Variants in TRMT44 observed in about 807,000 individuals in gnomAD.
TRMT44 encodes the protein probable tRNA (uracil-O(2)-)-methyltransferase.
A neutral mutation model predicts 77.3 loss-of-function variants in TRMT44; 78 were observed. That is an observed-to-expected ratio of 1.01 (90% CI 0.84 to 1.22). TRMT44 has a LOEUF of 1.22. Ranked by LOEUF, TRMT44 falls within the 50% of genes most tolerant of loss-of-function variation. The probability of loss-of-function intolerance (pLI) is 0.00; values close to 1 mark genes in which losing one functional copy is unlikely to be tolerated. For synonymous variants in TRMT44, 391 were observed against 383.3 expected (o/e 1.02, Z -0.23); for missense variants, 1,090 against 964.4 (o/e 1.13, Z -1.73).
At position 8,468,421 on chromosome 4, in the gene TRMT44, C is replaced by T. The variant is rs188616875; in HGVS notation, c.1927+75C>T. On this transcript the variant is annotated intron_variant, in intron 9 of 10. Coordinates refer to ENST00000389737, the MANE Select transcript of TRMT44 (RefSeq NM_152544.3). Reference sequence around the variant, plus strand: ...GGGCAGGAATTCACGTCTTCAGAACCGACATGAAATGGTGTGGCCCTGTGA... The same window carrying T: ...GGGCAGGAATTCACGTCTTCAGAACTGACATGAAATGGTGTGGCCCTGTGA... The T allele has an allele frequency of 1.8e-4, 264 of 1,448,340 alleles. No individual in the cohort carries two copies. The East Asian group carries it at 5.1e-3, about 28-fold the overall frequency. The allele number at this position is 1,448,340 out of a possible 1,614,324, so 89.7% of individuals were successfully genotyped here.
the TRMT44 span, among the ~76,000 whole-genome samples, chr4:8,507,968 G>A: frequency 2.0e-5 from 3 of 152,184 alleles, no homozygotes; most frequent in Admixed American, 1.3e-4. Flanking sequence ...GCGTGACGGT[G>A]CAATCTTGGC....
At chr4:8,495,308 A>AAG (rs1728119250), downstream of TRMT44, among the ~76,000 whole-genome samples, 2 of 151,530 alleles carry the variant, frequency 1.3e-5, no homozygotes, top group Admixed American at 6.6e-5. Context: ...AGAGAGGTTA[A>AAG]GTGACTTGCC....
At chr4:8,487,649 G>A (rs1267287391) in intron 2 of TRMT44, among the ~76,000 whole-genome samples, 1 of 152,062 alleles carries the variant, frequency 6.6e-6, no homozygotes, top group Non-Finnish European at 1.5e-5. Context: ...TAAGGGATTG[G>A]GGGTTCTTGC....
At chr4:8,471,058 G>T (rs1553860855) in intron 9 of TRMT44, 26 bp from the exon 10 acceptor site, 2 of 1,333,750 alleles carry the variant, frequency 1.5e-6, no homozygotes, top group Non-Finnish European at 2.1e-6. Context: ...TTGTTTTGGG[G>T]AAAAAAAAAA....
Position 8,475,855 on chromosome 4 carries a change from C to T in TRMT44, c.2128C>T (p.Leu710Phe), listed in dbSNP as rs754886677. 6.2e-7 allele frequency: 1 copy of T among 1,614,218 alleles called. No individual in the cohort carries two copies. Residue 710 changes from leucine (L) to phenylalanine (F), a missense_variant, in exon 11 of 11, where the codon CTC (leucine) becomes TTC (phenylalanine). Leu to Phe is a conservative substitution (Grantham distance 22). Transcript: ENST00000389737. ...TKQPEAKQRL[L>F]SEACKTRLCW... ...GCAACCGGAAGCGAAACAGAGACTGCTCTCTGAAGCCTGCAAAACCCGCCT... is the reference window on the plus strand; with the variant it reads ...GCAACCGGAAGCGAAACAGAGACTGTTCTCTGAAGCCTGCAAAACCCGCCT...
At chr4:8,501,694 C>G in the TRMT44 span, among the ~76,000 whole-genome samples, 1 of 152,182 alleles carries the variant, frequency 6.6e-6, no homozygotes, top group Admixed American at 6.5e-5. This position sits in a 1 kb window ranked among gnomAD's most constrained non-coding sequence, Gnocchi z 4.4. Context: ...TTTCCCTTTT[C>G]CTTTCCCCTT....
At chr4:8,497,437 A>G (rs1349744761), downstream of TRMT44, among the ~76,000 whole-genome samples, 4 of 152,130 alleles carry the variant, frequency 2.6e-5, no homozygotes, top group African/African-American at 4.8e-5. Context: ...CAAGGTCAGG[A>G]GATCGAGACC....
At chr4:8,450,022 AGT>A in intron 3 of TRMT44, 134 bp downstream of exon 3, 3 of 573,542 alleles carry the variant, frequency 5.2e-6, no homozygotes, top group Non-Finnish European at 5.7e-6. Context: ...GCCAGAGTGA[AGT>A]GGTGTGATCT....
Position 8,493,027 on chromosome 4 carries a change from C to T in TRMT44, n.3892-239C>T, listed in dbSNP as rs369556990. On this transcript the variant is annotated intron_variant and non_coding_transcript_variant, in intron 2 of 2. Coordinates refer to the TRMT44 transcript ENST00000511366. The stretch of plus-strand genomic sequence containing the variant: ...AATAAACTTCCTAAATCGACTGAGA[C>T]CTGTCTCAGATATTTGGGGTTCACA... 1.1e-4 allele frequency among the ~76,000 whole-genome samples: 16 copies of T among 152,272 alleles called. No homozygotes were observed. The East Asian group carries it at 2.9e-3, about 28-fold the overall frequency.
At chr4:8,462,511 CCTGA>C (rs1241255066) in intron 6 of TRMT44, among the ~76,000 whole-genome samples, 2 of 152,098 alleles carry the variant, frequency 1.3e-5, no homozygotes, top group Non-Finnish European at 2.9e-5. Context: ...TCGAGACCAG[CCTGA>C]CTAACATGGT....
intron 1 of TRMT44, 61 bp downstream of exon 1, chr4:8,441,502 G>T: frequency 1.4e-6 from 2 of 1,431,174 alleles, no homozygotes; most frequent in South Asian, 3.1e-5. Flanking sequence ...TAGAACCTCG[G>T]GTCAATGAAA....
At chr4:8,470,536 G>T (rs1377876112) in intron 9 of TRMT44, among the ~76,000 whole-genome samples, 1 of 152,232 alleles carries the variant, frequency 6.6e-6, no homozygotes, top group Non-Finnish European at 1.5e-5. Flanking sequence ...TGAAATACCT[G>T]CAGGCTCTCA....
At position 8,476,286 on chromosome 4, in the gene TRMT44, A is replaced by G. The variant is rs1291758583; in HGVS notation, c.*285A>G. 1.7e-5 allele frequency: 8 copies of G among 458,626 alleles called. No homozygotes were observed. The highest frequency in any genetic ancestry group is 7.9e-5 in the African/African-American group (4 of 50,866). 28.4% of individuals were successfully genotyped at this position (458,626 alleles called of 1,614,324 possible). A position where few individuals can be genotyped will look rare whatever the true frequency, so the allele number is the denominator to read the frequency against. On this transcript the variant is annotated 3_prime_UTR_variant, in exon 11 of 11. Coordinates refer to ENST00000389737, the MANE Select transcript of TRMT44 (RefSeq NM_152544.3). Reference sequence around the variant, plus strand: ...TAAAGATTGTGCACGGATCCTTACAATGTCTCCTGGGGGAGAGCGGCTGAG... The same window carrying G: ...TAAAGATTGTGCACGGATCCTTACAGTGTCTCCTGGGGGAGAGCGGCTGAG...
chr4:8,491,917 G>C (rs1267052604), intron 2 of TRMT44, among the ~76,000 whole-genome samples: 1 of 152,252 alleles, frequency 6.6e-6, no homozygotes, highest in East Asian at 1.9e-4. Flanking sequence ...CCCAGGCAGA[G>C]GAGGCACTGA....
rs145864385 is a variant in TRMT44 at position 8,475,915 on chromosome 4, G to A, written c.2188G>A (p.Ala730Thr). ...WFFMHHPDGC[A>T]LSTDCCPFAH... ...CTTCATGCATCACCCTGATGGCTGC[G>A]CTCTGTCCACGGACTGCTGCCCGTT... Residue 730 changes from alanine (A) to threonine (T), a missense_variant, in exon 11 of 11, where the codon GCT becomes ACT. By Grantham distance (58) the Ala-to-Thr change is moderately conservative. Transcript: ENST00000389737. The A allele has an allele frequency of 1.4e-3, 2,286 of 1,614,144 alleles. 44 individuals carry two copies. In the South Asian group the frequency reaches 0.021, roughly 15 times the overall value.
Position 8,444,917 on chromosome 4 carries a change from G to A in TRMT44, c.620-1559G>A, listed in dbSNP as rs1724969829. Among the ~76,000 whole-genome samples, 1 of 152,202 alleles carries A rather than the reference G, an allele frequency of 6.6e-6. No homozygotes were observed. The highest frequency in any genetic ancestry group is 1.5e-5 in the Non-Finnish European group (1 of 68,040). ...ATTTTAAAAATCGAAATTTATCATT[G>A]TGTAGCGACAACAGTGACAGCAGAT... is the stretch of plus-strand genomic sequence containing the variant. On this transcript the variant is annotated intron_variant, in intron 1 of 10. Transcript: ENST00000389737. The surrounding 1 kb of genome is among the most constrained non-coding windows in gnomAD (Gnocchi z 4.0).
chr4:8,482,909 G>T (rs950074043), intron 2 of TRMT44, among the ~76,000 whole-genome samples: 2 of 136,296 alleles, frequency 1.5e-5, no homozygotes, highest in Admixed American at 7.2e-5. Flanking sequence ...CAAAAATTTT[G>T]GGGGGGGTGG....
intron 2 of TRMT44, among the ~76,000 whole-genome samples, chr4:8,486,812 G>T (rs917118337): frequency 6.4e-4 from 98 of 152,324 alleles, no homozygotes; most frequent in African/African-American, 1.8e-3. Context: ...ACCGGACGGG[G>T]TGTGAGGAGG....
At chr4:8,467,171 G>T (rs1726622513) in intron 8 of TRMT44, among the ~76,000 whole-genome samples, 1 of 152,208 alleles carries the variant, frequency 6.6e-6, no homozygotes, top group African/African-American at 2.4e-5. Context: ...GTATGCACTC[G>T]CTGGCTCTGG....
Sources: allele counts gnomAD v4.1 joint callset (sites outside exome capture counted in the v4.1 genomes callset), GRCh38; gene constraint gnomAD v4.1.1; non-coding constraint Gnocchi (gnomAD v3.1); transcripts MANE v1.5; gene names NCBI Gene and HGNC (gene_info 2026-07-23, HGNC 2026-07-21).